Variants in NEGR1 observed in about 807,000 individuals in gnomAD.
NEGR1 encodes the protein neuronal growth regulator 1.
In NEGR1, 10 loss-of-function variants were observed where a neutral mutation model predicts 40.9. That is an observed-to-expected ratio of 0.24 (90% CI 0.15 to 0.42). NEGR1 has a LOEUF of 0.42. Among genes scored for constraint, NEGR1 ranks in the 10% least tolerant of loss-of-function variants. NEGR1 has a pLI of 1.00. For missense variants in NEGR1, 352 were observed against 438.9 expected (o/e 0.80, Z 1.77); for synonymous variants, 185 against 166.8 (o/e 1.11, Z -0.84).
intron 3 of NEGR1, among the ~76,000 whole-genome samples, chr1:71,744,703 T>G (rs1655327822): frequency 6.6e-6 from 1 of 152,170 alleles, no homozygotes; most frequent in Admixed American, 6.6e-5. Context: ...TTGGCTTAGC[T>G]TCCTAGTTTG....
intron 4 of NEGR1, among the ~76,000 whole-genome samples, chr1:71,623,520 G>T (rs1650673893): frequency 6.6e-6 from 1 of 151,940 alleles, no homozygotes; most frequent in Non-Finnish European, 1.5e-5. Context: ...AAACATCCTA[G>T]TGGGAAGTGA....
chr1:72,172,304 GT>G (rs1380373900), intron 1 of NEGR1, among the ~76,000 whole-genome samples: 1 of 151,960 alleles, frequency 6.6e-6, no homozygotes, highest in African/African-American at 2.4e-5. Flanking sequence ...AAACACCATT[GT>G]TGGCAGCTAC....
At chr1:71,934,348 T>C (rs534072879) in intron 2 of NEGR1, among the ~76,000 whole-genome samples, 1 of 152,282 alleles carries the variant, frequency 6.6e-6, no homozygotes, top group East Asian at 1.9e-4. Context: ...ATTTGATGAT[T>C]CTGTTTGTAT....
chr1:71,790,509 G>A (rs958377840), intron 2 of NEGR1, among the ~76,000 whole-genome samples: 3 of 151,978 alleles, frequency 2.0e-5, no homozygotes, highest in African/African-American at 7.2e-5. Context: ...ACGGAACCAG[G>A]AGTGTTTACA....
At chr1:71,444,174 G>A (rs1418762022) in intron 6 of NEGR1, among the ~76,000 whole-genome samples, 4 of 152,096 alleles carry the variant, frequency 2.6e-5, no homozygotes, top group African/African-American at 9.7e-5. Context: ...CTCCCCAAAA[G>A]TAAAGCTTTG....
chr1:72,243,614 T>G (rs1654817142), intron 1 of NEGR1, among the ~76,000 whole-genome samples: 1 of 151,824 alleles, frequency 6.6e-6, no homozygotes, highest in Non-Finnish European at 1.5e-5. Context: ...TATATTTAAG[T>G]TCATTAATAA....
At chr1:71,631,626 A>AATATATGT (rs1431046470) in intron 4 of NEGR1, among the ~76,000 whole-genome samples, 2 of 151,832 alleles carry the variant, frequency 1.3e-5, no homozygotes, top group Non-Finnish European at 3.0e-5. Flanking sequence ...ATTTATTGGT[A>AATATATGT]ATTAGAATGG....
At chr1:71,575,053 G>C (rs967189032) in intron 6 of NEGR1, among the ~76,000 whole-genome samples, 1 of 152,142 alleles carries the variant, frequency 6.6e-6, no homozygotes, top group Non-Finnish European at 1.5e-5. Context: ...ATAGGAGAAC[G>C]TGGATTGCTC....
intron 2 of NEGR1, among the ~76,000 whole-genome samples, chr1:71,787,305 A>T (rs1656947767): frequency 6.6e-6 from 1 of 152,234 alleles, no homozygotes; most frequent in Non-Finnish European, 1.5e-5. Flanking sequence ...GAACAAAGTA[A>T]AGCCTCCAGA....
chr1:71,955,784 T>C (rs1187207695), intron 1 of NEGR1, among the ~76,000 whole-genome samples: 1 of 152,164 alleles, frequency 6.6e-6, no homozygotes, highest in Non-Finnish European at 1.5e-5. Context: ...ACATCTTTGT[T>C]GTCAGTTCCT....
intron 3 of NEGR1, among the ~76,000 whole-genome samples, chr1:71,700,100 G>A (rs190395095): frequency 0.014 from 2,194 of 152,024 alleles, 21 homozygotes; most frequent in Non-Finnish European, 0.022. Context: ...AGAGAAGGTA[G>A]ATCAATTTAT....
intron 2 of NEGR1, among the ~76,000 whole-genome samples, chr1:71,922,042 A>G (rs1570505556): frequency 6.6e-6 from 1 of 152,134 alleles, no homozygotes; most frequent in African/African-American, 2.4e-5. Context: ...ATTTGTAACA[A>G]GAAGAAGCCG....
intron 1 of NEGR1, among the ~76,000 whole-genome samples, chr1:71,997,089 A>T (rs946539882): frequency 2.0e-5 from 3 of 152,032 alleles, no homozygotes; most frequent in African/African-American, 7.2e-5. Flanking sequence ...CTAAATATCA[A>T]GGCTTTGTTT....
chr1:71,805,222 C>T (rs573204084), intron 2 of NEGR1, among the ~76,000 whole-genome samples: 17 of 152,242 alleles, frequency 1.1e-4, no homozygotes, highest in South Asian at 6.2e-4. Flanking sequence ...ATTTTAATTT[C>T]GCCCCATCCT....
chr1:71,816,463 G>A (rs945447615), intron 2 of NEGR1, among the ~76,000 whole-genome samples: 3 of 152,178 alleles, frequency 2.0e-5, no homozygotes, highest in Non-Finnish European at 4.4e-5. Flanking sequence ...GGTGAAGGAG[G>A]AGCAAAGGCA....
chr1:71,625,090 G>A (rs1557591507), intron 4 of NEGR1, among the ~76,000 whole-genome samples: 1 of 151,866 alleles, frequency 6.6e-6, no homozygotes, highest in Non-Finnish European at 1.5e-5. Flanking sequence ...TTTGATGTAG[G>A]CCAAAAAAGA....
At chr1:71,470,582 G>C (rs748297480) in intron 6 of NEGR1, among the ~76,000 whole-genome samples, 2 of 152,072 alleles carry the variant, frequency 1.3e-5, no homozygotes, top group Non-Finnish European at 2.9e-5. Flanking sequence ...GAGAGTTTTT[G>C]AGAGATGAGT....
At chr1:72,153,232 T>TA (rs2100359150) in intron 1 of NEGR1, among the ~76,000 whole-genome samples, 1 of 151,892 alleles carries the variant, frequency 6.6e-6, no homozygotes, top group African/African-American at 2.4e-5. Flanking sequence ...AAAGACATGA[T>TA]AGAGATGATC....
intron 1 of NEGR1, among the ~76,000 whole-genome samples, chr1:72,103,237 T>C (rs1190961397): frequency 1.3e-5 from 2 of 152,110 alleles, no homozygotes. Context: ...CCTTATATGG[T>C]ACTATGCTCC....
Sources: allele counts gnomAD v4.1 joint callset (sites outside exome capture counted in the v4.1 genomes callset), GRCh38; gene constraint gnomAD v4.1.1; transcripts MANE v1.5; gene names NCBI Gene and HGNC (gene_info 2026-07-23, HGNC 2026-07-21).